The following LARP1B variants were observed in gnomAD, a reference collection of about 807,000 sequenced individuals.
LARP1B encodes La ribonucleoprotein 1B.
Under a neutral mutation model 114.2 loss-of-function variants are expected in LARP1B, and 76 were observed. The observed-to-expected ratio is 0.67, with a 90% CI of 0.55 to 0.81. The LOEUF (loss-of-function observed/expected upper bound fraction) is 0.81, where lower values mean the gene tolerates loss of function less well. Among genes scored for constraint, LARP1B ranks in the 30% least tolerant of loss-of-function variants. The pLI, the probability that LARP1B is intolerant of heterozygous loss-of-function variation, is 0.00. For synonymous variants in LARP1B, 345 were observed against 348.0 expected (o/e 0.99, Z 0.10); for missense variants, 1,014 against 1,075.8 (o/e 0.94, Z 0.80).
intron 4 of LARP1B, among the ~76,000 whole-genome samples, chr4:128,079,177 C>T (rs1007832942): frequency 6.6e-6 from 1 of 151,586 alleles, no homozygotes; most frequent in Admixed American, 6.6e-5. Flanking sequence ...TCACTGCAAC[C>T]TCTGCCTCCC....
chr4:128,222,310 C>G (rs1760090512), intron 7 of LARP1B: 1 of 456,416 alleles, frequency 2.2e-6, no homozygotes, highest in Non-Finnish European at 4.4e-6. Flanking sequence ...AGTTCTTTCC[C>G]TTTGTTTTTT....
intron 7 of LARP1B, among the ~76,000 whole-genome samples, chr4:128,096,725 C>T (rs560391861): frequency 3.9e-5 from 6 of 151,972 alleles, no homozygotes; most frequent in South Asian, 2.1e-4. Flanking sequence ...CTCAACCTCC[C>T]GAGTAGCTGG....
At chr4:128,220,138 G>A (rs1425795793) in intron 6 of LARP1B, among the ~76,000 whole-genome samples, 2 of 152,178 alleles carry the variant, frequency 1.3e-5, no homozygotes, top group Admixed American at 1.3e-4. Context: ...ACCCACCTCA[G>A]CCTCCCAAAG....
At chr4:128,159,003 C>T (rs1419480081) in intron 11 of LARP1B, among the ~76,000 whole-genome samples, 1 of 130,796 alleles carries the variant, frequency 7.6e-6, no homozygotes, top group Non-Finnish European at 1.6e-5. Context: ...GACTTCATCT[C>T]TTAAAAAAAA....
intron 12 of LARP1B, among the ~76,000 whole-genome samples, chr4:128,173,274 T>C (rs1744609914): frequency 6.6e-6 from 1 of 152,160 alleles, no homozygotes; most frequent in Non-Finnish European, 1.5e-5. Context: ...TCTCGCTGTT[T>C]TTATGCTACA....
At chr4:128,212,232 T>G (rs79997475), downstream of LARP1B, among the ~76,000 whole-genome samples, 1,751 of 152,222 alleles carry the variant, frequency 0.012, 33 homozygotes, top group African/African-American at 0.039. Context: ...GTCATTAATA[T>G]TTCTATTTCA....
intron 19 of LARP1B, among the ~76,000 whole-genome samples, chr4:128,207,835 TA>T (rs1259796001): frequency 6.6e-6 from 1 of 152,268 alleles, no homozygotes; most frequent in Non-Finnish European, 1.5e-5. Flanking sequence ...TGGTGTCTTT[TA>T]GTTGAGTCAG....
chr4:128,108,996 AT>A, intron 9 of LARP1B: 1 of 229,060 alleles, frequency 4.4e-6, no homozygotes, highest in Non-Finnish European at 7.2e-6. Context: ...AATGTCATAA[AT>A]TTTAGGTTAT....
chr4:128,129,361 AAAAG>A (rs1790812791), intron 11 of LARP1B, among the ~76,000 whole-genome samples: 2 of 151,548 alleles, frequency 1.3e-5, no homozygotes, highest in Admixed American at 6.6e-5. Context: ...AAAAAAAAAA[AAAAG>A]GAATAAGTAA....
At chr4:128,179,667 T>C (rs1411699786) in intron 15 of LARP1B, among the ~76,000 whole-genome samples, 155 bp downstream of exon 15, 1 of 152,224 alleles carries the variant, frequency 6.6e-6, no homozygotes, top group Non-Finnish European at 1.5e-5. Flanking sequence ...GAGATAAGTT[T>C]TACAAGTATG....
At chr4:128,175,308 G>A (rs1266668801) in intron 12 of LARP1B, among the ~76,000 whole-genome samples, 1 of 152,040 alleles carries the variant, frequency 6.6e-6, no homozygotes, top group Admixed American at 6.6e-5. Flanking sequence ...TAGCATATCT[G>A]TCACTCCCAC....
rs779710369 is a variant in LARP1B, at chr4:128,200,601, T to G, written c.2245T>G (p.Phe749Val). ...RFWSFFLRDH[F>V]NKKMYEEFRQ... ...CTGGTCCTTTTTCCTCAGAGATCAC[T>G]TCAATAAAAAAATGTATGAGGAATT... The change falls in exon 17 of 20, where the codon TTC (phenylalanine) becomes GTC (valine). Residue 749 changes from phenylalanine to valine, a missense_variant. By Grantham distance (50) the Phe-to-Val change is conservative (BLOSUM62 -1). Transcript: ENST00000326639. The G allele has an allele frequency of 3.8e-6, 6 of 1,596,814 alleles. No individual in the cohort carries two copies. The East Asian group carries it at 1.1e-4, about 30-fold the overall frequency.
chr4:128,098,391 C>A, intron 8 of LARP1B, 61 bp downstream of exon 8: 4 of 1,437,892 alleles, frequency 2.8e-6, no homozygotes, highest in Non-Finnish European at 3.8e-6. Flanking sequence ...GTACCTAAAA[C>A]TTCTCTGAAA....
intron 9 of LARP1B, chr4:128,107,925 G>A (rs756722995): frequency 7.8e-6 from 12 of 1,535,638 alleles, no homozygotes; most frequent in Middle Eastern, 1.7e-4. Flanking sequence ...TCATTTGATC[G>A]GAATATGCAG....
In LARP1B at chr4:128,077,678, G is replaced by T. The variant is rs1364505882; in HGVS notation, c.43-110G>T. ...AAGTAATTTTTTGCCTTTGATAACA[G>T]TTTTTGTCATTTGTTTTGCAATTTT... On this transcript the variant is annotated intron_variant, in intron 3 of 19. Coordinates refer to ENST00000326639, the MANE Select transcript of LARP1B (RefSeq NM_018078.4). The T allele has an allele frequency of 5.1e-6, 6 of 1,187,204 alleles. No individual in the cohort carries two copies. In the East Asian group the frequency reaches 1.3e-4, roughly 26 times the overall value. The allele number at this position is 1,187,204 out of a possible 1,614,324, so 73.5% of individuals were successfully genotyped here.
chr4:128,170,437 T>C (rs1368435271), intron 12 of LARP1B, among the ~76,000 whole-genome samples: 1 of 152,234 alleles, frequency 6.6e-6, no homozygotes, highest in South Asian at 2.1e-4. Flanking sequence ...AGTGTTGAAG[T>C]CACCACCTAT....
At chr4:128,071,273 C>G (rs949141588) in intron 1 of LARP1B, among the ~76,000 whole-genome samples, 5 of 152,014 alleles carry the variant, frequency 3.3e-5, no homozygotes, top group Admixed American at 6.6e-5. Flanking sequence ...GTCTCGATCT[C>G]CTGACCTCGT....
Position 128,091,365 on chromosome 4 carries a change from A to T in LARP1B, c.521A>T (p.Tyr174Phe). The T allele has an allele frequency of 6.2e-7, 1 of 1,610,498 alleles. No individual in the cohort carries two copies. The highest frequency in any genetic ancestry group is 1.7e-5 in the Admixed American group (1 of 59,470). The change falls in exon 7 of 20, where the codon TAT becomes TTT. Residue 174 changes from tyrosine (Y) to phenylalanine (F), a missense_variant. Physicochemically the swap from Tyr to Phe is conservative, Grantham distance 22. Coordinates refer to ENST00000326639, the MANE Select transcript of LARP1B (RefSeq NM_018078.4). ...CATCAAGTGAACTTTGATTATTCAT[A>T]TGGTTATCAAGAACATGGTGAAAGG... ...GNPRLNFDYS[Y>F]GYQEHGERTD... is the part of the protein sequence containing the mutation.
intron 18 of LARP1B, 146 bp from the exon 19 acceptor site, chr4:128,207,108 TGG>T (rs1429027632): frequency 9.4e-6 from 4 of 427,720 alleles, no homozygotes; most frequent in Non-Finnish European, 1.2e-5. Context: ...CTGCCATTAT[TGG>T]TTAATTCATT....
Sources: gnomAD v4.1 joint callset for allele counts (sites outside exome capture counted in the v4.1 genomes callset) on GRCh38, gnomAD v4.1.1 for gene constraint, MANE v1.5 for transcripts, NCBI Gene and HGNC (gene_info 2026-07-23, HGNC 2026-07-21) for gene names.